THSD7B: variants seen among roughly 807,000 people sequenced by gnomAD.
THSD7B encodes thrombospondin type 1 domain containing 7B, also known as thrombospondin type-1 domain-containing protein 7B.
A neutral mutation model predicts 213.6 loss-of-function variants in THSD7B; 138 were observed. The ratio of observed to expected loss-of-function variants is 0.65; its 90% CI spans 0.56 to 0.74. The LOEUF (loss-of-function observed/expected upper bound fraction) is 0.74, where lower values mean the gene tolerates loss of function less well. Among genes scored for constraint, THSD7B ranks in the 30% least tolerant of loss-of-function variants. The probability of loss-of-function intolerance (pLI) is 0.00; values close to 1 mark genes in which losing one functional copy is unlikely to be tolerated. For synonymous variants in THSD7B, 742 were observed against 687.0 expected (o/e 1.08, Z -1.25); for missense variants, 1,931 against 1,991.5 (o/e 0.97, Z 0.58).
chr2:137,095,078 G>C lies in THSD7B; in HGVS notation c.1156G>C (p.Glu386Gln). 6.2e-7 allele frequency: 1 copy of C among 1,613,886 alleles called. No homozygotes were observed. Among genetic ancestry groups the C allele is most frequent in the Non-Finnish European group, 8.5e-7 (1 of 1,179,844 alleles). Residue 386 changes from glutamate to glutamine, a missense_variant, in exon 4 of 28, where the codon GAG (glutamate) becomes CAG (glutamine). Coordinates refer to ENST00000409968, the MANE Select transcript of THSD7B (RefSeq NM_001316349.2). The stretch of plus-strand genomic sequence containing the variant: ...GGAGTGTCCTGAACTTCTTGAGAAA[G>C]AGGCCTGCATTGTTGAAGGAGAACT... ...GKECPELLEKEACIVEGELLQ... is the reference protein window; with the variant it reads ...GKECPELLEKQACIVEGELLQ...
Position 137,614,316 on chromosome 2 carries a change from G to A in THSD7B, c.3424-1859G>A, listed in dbSNP as rs559404124. Among the ~76,000 whole-genome samples the A allele has an allele frequency of 7.2e-5, 11 of 152,156 alleles. No individual in the cohort carries two copies. The East Asian group carries it at 1.9e-3, about 27-fold the overall frequency. The stretch of plus-strand genomic sequence containing the variant: ...TCTTTCTCATCTAGGTTTAGATGCG[G>A]AACTAAGGTTTAGAGTATATAAGTG... On this transcript the variant is annotated intron_variant, in intron 17 of 27. Transcript: ENST00000409968.
chr2:136,965,698 C>T (rs1336167371), intron 2 of THSD7B, among the ~76,000 whole-genome samples: 1 of 152,066 alleles, frequency 6.6e-6, no homozygotes, highest in African/African-American at 2.4e-5. Flanking sequence ...TCTTACTGTC[C>T]AGTTGAGATA....
intron 5 of THSD7B, among the ~76,000 whole-genome samples, chr2:137,155,714 G>A (rs920257067): frequency 6.6e-6 from 1 of 152,182 alleles, no homozygotes; most frequent in Non-Finnish European, 1.5e-5. Flanking sequence ...GACCATTTGG[G>A]AAAAGACTGG....
In THSD7B at chr2:137,337,691, T is replaced by G. The variant is rs57625226; in HGVS notation, c.2500+61665T>G. On this transcript the variant is annotated intron_variant, in intron 12 of 27. Transcript: ENST00000409968. ...TATAAATGTGGTGATTTCCAAATAG[T>G]GATTATCTAGTTTTCATCAGTCTTA... 4.3e-3 allele frequency among the ~76,000 whole-genome samples: 660 copies of G among 152,248 alleles called. 9 individuals are homozygous for G. The highest frequency in any genetic ancestry group is 0.015 in the African/African-American group (626 of 41,564).
intron 1 of THSD7B, among the ~76,000 whole-genome samples, chr2:136,824,611 T>C (rs942348591): frequency 1.3e-5 from 2 of 152,218 alleles, no homozygotes; most frequent in Non-Finnish European, 2.9e-5. Flanking sequence ...TTGCAAACTC[T>C]AACACATGGC....
At chr2:137,196,818 A>C (rs1039689086) in intron 7 of THSD7B, among the ~76,000 whole-genome samples, 2 of 152,186 alleles carry the variant, frequency 1.3e-5, no homozygotes, top group Non-Finnish European at 2.9e-5. Context: ...ATGCATATGC[A>C]AATATTCAAA....
chr2:136,941,883 G>A (rs1684834795), intron 2 of THSD7B, among the ~76,000 whole-genome samples: 1 of 152,128 alleles, frequency 6.6e-6, no homozygotes, highest in Non-Finnish European at 1.5e-5. Context: ...GGCTTTTGTT[G>A]CCATTGCTTT....
intron 15 of THSD7B, among the ~76,000 whole-genome samples, chr2:137,545,922 T>C (rs372983939): frequency 2.0e-5 from 3 of 151,712 alleles, no homozygotes; most frequent in African/African-American, 4.8e-5. Flanking sequence ...GAATATTACC[T>C]GCCTTTAAGG....
chr2:136,921,464 T>G (rs1382071845), intron 2 of THSD7B, among the ~76,000 whole-genome samples: 7 of 518 alleles, frequency 0.014, no homozygotes, highest in East Asian at 0.12. Flanking sequence ...ATATGCGGGT[T>G]TTTTTTTTTT....
At chr2:137,218,616 A>G (rs1681300152) in intron 7 of THSD7B, among the ~76,000 whole-genome samples, 1 of 152,092 alleles carries the variant, frequency 6.6e-6, no homozygotes, top group Admixed American at 6.5e-5. Context: ...AGTATACTAC[A>G]TTAAAGGAAA....
At chr2:137,583,802 G>T (rs1043398490) in intron 17 of THSD7B, among the ~76,000 whole-genome samples, 16 of 152,192 alleles carry the variant, frequency 1.1e-4, no homozygotes, top group Non-Finnish European at 2.9e-5. Flanking sequence ...TTTTGGCTTA[G>T]ATTCTCTTGG....
At chr2:137,590,748 T>A (rs558321328) in intron 17 of THSD7B, among the ~76,000 whole-genome samples, 23 of 151,420 alleles carry the variant, frequency 1.5e-4, no homozygotes, top group Non-Finnish European at 2.8e-4. Context: ...GGGCATCTAA[T>A]TGCTGTAAAA....
chr2:137,133,268 C>T (rs1347225395), intron 5 of THSD7B, among the ~76,000 whole-genome samples: 1 of 152,058 alleles, frequency 6.6e-6, no homozygotes, highest in Admixed American at 6.6e-5. Context: ...TTTAAAGCAA[C>T]CTGAAGGGTT....
At chr2:137,281,484 T>C (rs977663833) in intron 12 of THSD7B, among the ~76,000 whole-genome samples, 3 of 152,114 alleles carry the variant, frequency 2.0e-5, no homozygotes, top group Admixed American at 6.6e-5. Flanking sequence ...TGTATACATG[T>C]GCCATGTTGG....
rs184702164 is a variant in THSD7B, at chr2:137,336,398, A to G, written c.2500+60372A>G. On this transcript the variant is annotated intron_variant, in intron 12 of 27. Transcript: ENST00000409968. ...TTTTATCCCTTCAACTCCTCATGCAATATATTGTGAACAGTGAACGAGATT... is the reference window on the plus strand; with the variant it reads ...TTTTATCCCTTCAACTCCTCATGCAGTATATTGTGAACAGTGAACGAGATT... Among the ~76,000 whole-genome samples the G allele has an allele frequency of 3.5e-3, 532 of 152,282 alleles. 3 individuals are homozygous for G. The highest frequency in any genetic ancestry group is 0.012 in the African/African-American group (499 of 41,562).
chr2:136,852,198 G>A (rs185339564), intron 1 of THSD7B, among the ~76,000 whole-genome samples: 1 of 152,152 alleles, frequency 6.6e-6, no homozygotes, highest in African/African-American at 2.4e-5. Flanking sequence ...AAGTGAGGAA[G>A]TCAGAGAGAT....
At chr2:137,588,219 A>G (rs966542883) in intron 17 of THSD7B, among the ~76,000 whole-genome samples, 4 of 152,162 alleles carry the variant, frequency 2.6e-5, no homozygotes, top group African/African-American at 9.7e-5. Context: ...CCGATTTTCC[A>G]GGTGCTGTCT....
At chr2:137,576,126 C>T (rs1681455810) in intron 17 of THSD7B, among the ~76,000 whole-genome samples, 1 of 151,972 alleles carries the variant, frequency 6.6e-6, no homozygotes, top group Non-Finnish European at 1.5e-5. Context: ...ATTGGGTTGC[C>T]TTCATTTATG....
Position 137,629,724 on chromosome 2 carries a change from T to TG in THSD7B, c.3799+9000dup, listed in dbSNP as rs538306299. Among the ~76,000 whole-genome samples the TG allele has an allele frequency of 1.6e-4, 24 of 152,300 alleles. No individual in the cohort carries two copies. In the East Asian group the frequency reaches 4.6e-3, roughly 29 times the overall value. Reference sequence around the variant, plus strand: ...GAGAAATGAAGTTGCATAAAGTACTTGGAAATCATCTAGATAGTGTCTATT... The same window carrying TG: ...GAGAAATGAAGTTGCATAAAGTACTTGGGAAATCATCTAGATAGTGTCTATT... On this transcript the variant is annotated intron_variant, in intron 20 of 27. Transcript: ENST00000409968.
Sources: gnomAD v4.1 joint callset for allele counts (sites outside exome capture counted in the v4.1 genomes callset) on GRCh38, gnomAD v4.1.1 for gene constraint, MANE v1.5 for transcripts, NCBI Gene and HGNC (gene_info 2026-07-23, HGNC 2026-07-21) for gene names.